RASGRF2: variants seen among roughly 807,000 people sequenced by gnomAD.
The protein encoded by RASGRF2 is ras-specific guanine nucleotide-releasing factor 2.
RASGRF2 carries 76 observed loss-of-function variants against 151.0 expected under a neutral mutation model. The observed-to-expected ratio is 0.50, with a 90% CI of 0.42 to 0.61. The LOEUF is 0.61. Ranked by LOEUF, RASGRF2 falls within the 20% of genes least tolerant of loss-of-function variation. The pLI is 0.00. For synonymous variants in RASGRF2, 504 were observed against 566.5 expected, an observed-to-expected ratio of 0.89 and a Z score of 1.57; for missense variants, 1,148 against 1,564.6, an observed-to-expected ratio of 0.73 and a Z score of 4.49.
intron 14 of RASGRF2, 127 bp from the exon 15 acceptor site, chr5:81,113,411 G>A: frequency 1.8e-6 from 2 of 1,137,478 alleles, no homozygotes; most frequent in Non-Finnish European, 2.5e-6. Context: ...TTAGATTAAC[G>A]GAAGTCCAGC....
At chr5:81,036,464 A>C (rs1165427094) in intron 1 of RASGRF2, among the ~76,000 whole-genome samples, 2 of 152,092 alleles carry the variant, frequency 1.3e-5, no homozygotes, top group African/African-American at 2.4e-5. Flanking sequence ...TATAATATAC[A>C]CTATTTTTAC....
intron 13 of RASGRF2, among the ~76,000 whole-genome samples, chr5:81,109,765 C>T (rs1190471220): frequency 1.3e-5 from 2 of 152,210 alleles, no homozygotes; most frequent in Admixed American, 6.5e-5. Flanking sequence ...TTACCAGTGT[C>T]TACGTCCAAT....
At chr5:81,065,451 G>A (rs1751573720) in intron 2 of RASGRF2, among the ~76,000 whole-genome samples, 1 of 152,118 alleles carries the variant, frequency 6.6e-6, no homozygotes, top group South Asian at 2.1e-4. Context: ...TCCTTCATTA[G>A]AGTTCTTCTT....
At chr5:81,061,265 T>A (rs1483785085) in intron 2 of RASGRF2, among the ~76,000 whole-genome samples, 4 of 152,160 alleles carry the variant, frequency 2.6e-5, no homozygotes, top group African/African-American at 9.7e-5. Flanking sequence ...CTTTTGTATC[T>A]CGTTGTGCAA....
intron 15 of RASGRF2, among the ~76,000 whole-genome samples, chr5:81,115,810 C>T (rs1753135443): frequency 6.6e-6 from 1 of 152,030 alleles, no homozygotes; most frequent in African/African-American, 2.4e-5. Flanking sequence ...GTAAATAGCA[C>T]CTTCACTGTC....
intron 1 of RASGRF2, among the ~76,000 whole-genome samples, chr5:81,011,074 T>C (rs1299654811): frequency 1.3e-5 from 2 of 152,238 alleles, no homozygotes; most frequent in Non-Finnish European, 2.9e-5. Context: ...ATACTCATTA[T>C]GGCTAATTTG....
intron 1 of RASGRF2, among the ~76,000 whole-genome samples, chr5:80,993,770 C>T (rs911046153): frequency 2.0e-5 from 3 of 152,110 alleles, no homozygotes; most frequent in African/African-American, 7.2e-5. Flanking sequence ...AGGGTTGCAA[C>T]CAATCGTGGT....
rs1478132842 is a variant in RASGRF2, at chr5:81,113,811, T to C, written c.2361T>C (p.Asp787=). Residue 787 remains aspartate (D), a synonymous_variant, in exon 15 of 27, where the codon GAT becomes GAC. Coordinates refer to ENST00000265080, the MANE Select transcript of RASGRF2 (RefSeq NM_006909.3). ...CACACACTGGTCAGATACCACTGGA[T>C]CTCAGCAGAGGCCTCTCTTCTCCAG... The part of the protein sequence containing the change: ...PPPHTGQIPL[D]LSRGLSSPEQ... 4.3e-6 allele frequency: 7 copies of C among 1,614,124 alleles called. No individual in the cohort carries two copies. The South Asian group carries it at 6.6e-5, about 15-fold the overall frequency.
rs1466329114 is a variant in RASGRF2, at chr5:81,080,577, G to A, written c.968-19G>A. The A allele has an allele frequency of 6.2e-7, 1 of 1,603,132 alleles. No individual in the cohort carries two copies. The highest frequency in any genetic ancestry group is 8.5e-7 in the Non-Finnish European group (1 of 1,171,462). ...ACCAAGCAACAAGGGAAACAGCCGT[G>A]TTTACTGTTTCTTTGCAGCTGATCT... On this transcript the variant is annotated intron_variant, in intron 6 of 26. Transcript: ENST00000265080.
chr5:81,176,272 G>A (rs1357182159), intron 17 of RASGRF2, among the ~76,000 whole-genome samples: 1 of 152,130 alleles, frequency 6.6e-6, no homozygotes, highest in Non-Finnish European at 1.5e-5. Flanking sequence ...GCTAATTGGT[G>A]GCAGTAATCA....
At chr5:81,065,569 A>G (rs1751577542) in intron 2 of RASGRF2, among the ~76,000 whole-genome samples, 1 of 152,146 alleles carries the variant, frequency 6.6e-6, no homozygotes, top group Non-Finnish European at 1.5e-5. Flanking sequence ...AGGGGTGTGA[A>G]GAGGAGGAGC....
chr5:81,145,702 AG>A (rs1162848965), intron 17 of RASGRF2, among the ~76,000 whole-genome samples: 2 of 152,188 alleles, frequency 1.3e-5, no homozygotes, highest in Admixed American at 1.3e-4. Context: ...TGAGCTGGGA[AG>A]CAGACCCCGT....
chr5:80,990,707 G>T (rs1442699382), intron 1 of RASGRF2, among the ~76,000 whole-genome samples: 1 of 152,134 alleles, frequency 6.6e-6, no homozygotes, highest in Non-Finnish European at 1.5e-5. Context: ...TGAATTGCTG[G>T]CTGGCTGGCG....
rs1756021011 is a variant in RASGRF2, at chr5:81,227,334, A to G, written c.*1564A>G. On this transcript the variant is annotated 3_prime_UTR_variant, in exon 27 of 27. Coordinates refer to ENST00000265080, the MANE Select transcript of RASGRF2 (RefSeq NM_006909.3). Reference sequence around the variant, plus strand: ...TCTGCACGGTAAGTGCCATCTCTGTATGTAACTATATAGTGAAATATCAAC... The same window carrying G: ...TCTGCACGGTAAGTGCCATCTCTGTGTGTAACTATATAGTGAAATATCAAC... 6.6e-6 allele frequency: 1 copy of G among 152,246 alleles called. No homozygotes were observed. Among genetic ancestry groups the G allele is most frequent in the South Asian group, 2.1e-4 (1 of 4,832 alleles). The allele number at this position is 152,246 out of a possible 1,614,324, so 9.4% of individuals were successfully genotyped here. A position where few individuals can be genotyped will look rare whatever the true frequency, so the allele number is the denominator to read the frequency against.
At chr5:81,158,607 ATAAT>A (rs1328260390) in intron 17 of RASGRF2, among the ~76,000 whole-genome samples, 3 of 152,288 alleles carry the variant, frequency 2.0e-5, no homozygotes, top group East Asian at 3.9e-4. Context: ...TTACACCTCA[ATAAT>A]AAGATAACCT....
intron 26 of RASGRF2, 132 bp from the exon 27 acceptor site, chr5:81,225,546 T>C (rs56270508): frequency 0.041 from 55,442 of 1,353,564 alleles, 1,790 homozygotes; most frequent in East Asian, 0.15. Flanking sequence ...TGGAAACATA[T>C]TTATGATTTT....
At position 81,073,426 on chromosome 5, in the gene RASGRF2, C is replaced by T. The variant is rs144640656; in HGVS notation, c.861C>T (p.Asp287=). ...CCAAGAAGCCCCCCATCAGCCACGA[C>T]GACGTCAGCAGTATTTTTCTTAACA... ...ASSKKPPISH[D]DVSSIFLNSE... Residue 287 remains aspartate, a synonymous_variant, in exon 5 of 27, where the codon GAC becomes GAT. Transcript: ENST00000265080. 94 of 1,613,906 alleles carry T rather than the reference C, an allele frequency of 5.8e-5. No homozygotes were observed. The highest frequency in any genetic ancestry group is 2.2e-4 in the South Asian group (20 of 91,062).
intron 1 of RASGRF2, among the ~76,000 whole-genome samples, chr5:80,979,778 T>C (rs1413675789): frequency 3.9e-5 from 6 of 152,222 alleles, no homozygotes; most frequent in Non-Finnish European, 5.9e-5. Flanking sequence ...AATAATTAAA[T>C]TTAAGGCTAG....
At chr5:81,073,534 G>A in intron 5 of RASGRF2, 82 bp downstream of exon 5, 2 of 1,420,374 alleles carry the variant, frequency 1.4e-6, no homozygotes, top group Non-Finnish European at 1.9e-6. Context: ...TCTTTAAAAG[G>A]GTCTCATAAA....
Sources: gnomAD v4.1 joint callset for allele counts (sites outside exome capture counted in the v4.1 genomes callset) on GRCh38, gnomAD v4.1.1 for gene constraint, MANE v1.5 for transcripts, NCBI Gene and HGNC (gene_info 2026-07-23, HGNC 2026-07-21) for gene names.